KIR2DL1: variants seen among roughly 807,000 people sequenced by gnomAD.
KIR2DL1 encodes the protein killer cell immunoglobulin like receptor, two Ig domains and long cytoplasmic tail 1, also known as killer cell immunoglobulin-like receptor 2DL1.
KIR2DL1 carries 38 observed loss-of-function variants against 33.9 expected under a neutral mutation model. The observed-to-expected ratio is 1.12, with a 90% confidence interval of 0.86 to 1.47. KIR2DL1 has a LOEUF of 1.47. KIR2DL1 is among the 40% of genes most tolerant of loss of function. The pLI, the probability that KIR2DL1 is intolerant of heterozygous loss-of-function variation, is 0.00. For synonymous variants in KIR2DL1, 179 were observed against 165.9 expected (o/e 1.08, Z -0.61); for missense variants, 531 against 433.9 (o/e 1.22, Z -1.99).
chr19:54,769,935 G>C (rs778687237), intron 1 of KIR2DL1, 51 bp downstream of exon 1: 2 of 1,554,838 alleles, frequency 1.3e-6, no homozygotes, highest in South Asian at 2.2e-5. Flanking sequence ...GGAGATCTGG[G>C]CCCAGAGGTG....
At chr19:54,777,796 A>G (rs1316336243) in intron 4 of KIR2DL1, among the ~76,000 whole-genome samples, 1 of 148,668 alleles carries the variant, frequency 6.7e-6, no homozygotes, top group Non-Finnish European at 1.5e-5. Context: ...CGTGTTTCAT[A>G]GGTTCAGGCC....
chr19:54,782,847 A>G, intron 5 of KIR2DL1, 75 bp from the exon 6 acceptor site: 5 of 1,526,680 alleles, frequency 3.3e-6, no homozygotes, highest in Non-Finnish European at 3.6e-6. Flanking sequence ...TTACCTGTCA[A>G]TCAAGAAATG....
Position 54,784,075 on chromosome 19 carries a change from CTCCAA to C in KIR2DL1, c.*263_*267del. On this transcript the variant is annotated 3_prime_UTR_variant, in exon 8 of 8. Coordinates refer to ENST00000336077, the MANE Select transcript of KIR2DL1 (RefSeq NM_014218.3). ...CATTTCACTTGACCCCTGCCCACCT[CTCCAA>C]CCTAACTGGCTTACTTCCTAGTCTA... The C allele has an allele frequency of 1.7e-6, 1 of 601,902 alleles. No homozygotes were observed. Among genetic ancestry groups the C allele is most frequent in the Non-Finnish European group, 2.9e-6 (1 of 343,342 alleles). The allele number at this position is 601,902 out of a possible 1,614,324, so 37.3% of individuals were successfully genotyped here. A position where few individuals can be genotyped will look rare whatever the true frequency, so the allele number is the denominator to read the frequency against.
In KIR2DL1 at chr19:54,773,592, G is replaced by A. The variant is rs746069580; in HGVS notation, c.330G>A (p.Gln110=). The A allele has an allele frequency of 1.9e-6, 3 of 1,579,800 alleles. 1 individual carries two copies. Among genetic ancestry groups the A allele is most frequent in the Admixed American group, 3.4e-5 (2 of 58,716 alleles). ...GTTCTGTTACTCACTCCCCCTATCA[G>A]GTGTCAGCTCCCAGTGACCCTCTGG... The part of the protein sequence containing the change: ...CYGSVTHSPY[Q]VSAPSDPLDI... Residue 110 remains glutamine, a synonymous_variant, in exon 3 of 8, where the codon CAG becomes CAA. Coordinates refer to ENST00000336077, the MANE Select transcript of KIR2DL1 (RefSeq NM_014218.3).
chr19:54,771,872 C>A (rs547914540), intron 2 of KIR2DL1, among the ~76,000 whole-genome samples: 16 of 147,722 alleles, frequency 1.1e-4, no homozygotes, highest in African/African-American at 3.0e-4. Context: ...ACCCAGCAAC[C>A]CCCTGGAGAT....
chr19:54,779,306 G>C (rs1181488760), intron 5 of KIR2DL1, among the ~76,000 whole-genome samples: 2 of 149,006 alleles, frequency 1.3e-5, no homozygotes, highest in East Asian at 1.9e-4. Flanking sequence ...ATCTTACTGG[G>C]CTAAAATCAA....
chr19:54,783,515 G>A lies in KIR2DL1; in HGVS notation c.847G>A (p.Gly283Arg), dbSNP rs1222520301. 8 of 1,613,590 alleles carry A rather than the reference G, an allele frequency of 5.0e-6. No individual in the cohort carries two copies. The highest frequency in any genetic ancestry group is 4.4e-5 in the South Asian group (4 of 91,066). Residue 283 changes from glycine to arginine, a missense_variant, in exon 7 of 8, where the codon GGA becomes AGA. By Grantham distance (125) the Gly-to-Arg change is moderately radical. Transcript: ENST00000336077. ...NAAVMDQESA[G>R]NRTANSEDSD... ...TGCGGTAATGGACCAAGAGTCTGCAGGAAACAGAACAGCGAATAGCGAGGT... is the reference window on the plus strand; with the variant it reads ...TGCGGTAATGGACCAAGAGTCTGCAAGAAACAGAACAGCGAATAGCGAGGT...
chr19:54,778,070 G>A lies in KIR2DL1; in HGVS notation c.665-542G>A, dbSNP rs2076550580. 2.7e-5 allele frequency among the ~76,000 whole-genome samples: 4 copies of A among 147,060 alleles called. 1 individual carries two copies. Among genetic ancestry groups the A allele is most frequent in the African/African-American group, 1.0e-4 (4 of 39,774 alleles). On this transcript the variant is annotated intron_variant, in intron 4 of 7. Coordinates refer to ENST00000336077, the MANE Select transcript of KIR2DL1 (RefSeq NM_014218.3). ...GAGGCCAGGAGTTCAAGATTAGTCT[G>A]GCCAACGTGATGAAACATCGTCTCC...
chr19:54,770,154 G>T (rs1314772681), intron 1 of KIR2DL1, among the ~76,000 whole-genome samples: 8 of 146,002 alleles, frequency 5.5e-5, no homozygotes, highest in Non-Finnish European at 1.1e-4. Flanking sequence ...ATAGGAACCT[G>T]GAGGGGAGAT....
chr19:54,782,664 C>T (rs1488820636), intron 5 of KIR2DL1, among the ~76,000 whole-genome samples: 1 of 151,968 alleles, frequency 6.6e-6, no homozygotes. Flanking sequence ...GCCCAACCTC[C>T]CACAGTGGGG....
intron 4 of KIR2DL1, among the ~76,000 whole-genome samples, chr19:54,775,904 T>C (rs1466844403): frequency 6.8e-6 from 1 of 147,450 alleles, no homozygotes; most frequent in Non-Finnish European, 1.5e-5. Flanking sequence ...TTTAACATTT[T>C]TTTTTGAGGT....
Position 54,775,522 on chromosome 19 carries a change from G to A in KIR2DL1, c.664+64G>A, listed in dbSNP as rs538025934. The A allele has an allele frequency of 6.1e-5, 91 of 1,481,158 alleles. 2 individuals carry two copies. The East Asian group carries it at 2.0e-3, about 33-fold the overall frequency. The allele number at this position is 1,481,158 out of a possible 1,614,324, so 91.8% of individuals were successfully genotyped here. ...TAGAGCCTTAGCTGAGGAGCTTCCTGCTGAGGATGGAGAGAAGCATGGACA... is the reference window on the plus strand; with the variant it reads ...TAGAGCCTTAGCTGAGGAGCTTCCTACTGAGGATGGAGAGAAGCATGGACA... On this transcript the variant is annotated intron_variant, in intron 4 of 7. Coordinates refer to ENST00000336077, the MANE Select transcript of KIR2DL1 (RefSeq NM_014218.3).
chr19:54,778,766 T>G, intron 5 of KIR2DL1, 104 bp downstream of exon 5: 2 of 1,250,842 alleles, frequency 1.6e-6, no homozygotes, highest in Non-Finnish European at 2.3e-6. Flanking sequence ...ATTGTACACT[T>G]GTCTTCCACC....
chr19:54,776,866 T>A (rs2076409832), intron 4 of KIR2DL1, among the ~76,000 whole-genome samples: 3 of 147,830 alleles, frequency 2.0e-5, no homozygotes, highest in African/African-American at 7.5e-5. Flanking sequence ...GCTCTCAAAC[T>A]CATGACCTCA....
At chr19:54,780,605 C>A (rs1459358199) in intron 5 of KIR2DL1, among the ~76,000 whole-genome samples, 20 of 144,178 alleles carry the variant, frequency 1.4e-4, no homozygotes, top group Non-Finnish European at 2.6e-4. Context: ...AGGTGCATAA[C>A]TGGAATCTAG....
Position 54,784,047 on chromosome 19 carries a change from C to T in KIR2DL1, c.*234C>T. 1 of 671,964 alleles carries T rather than the reference C, an allele frequency of 1.5e-6. No individual in the cohort carries two copies. Among genetic ancestry groups the T allele is most frequent in the South Asian group, 1.9e-5 (1 of 53,634 alleles). 41.6% of individuals were successfully genotyped at this position (671,964 alleles called of 1,614,324 possible). A position where few individuals can be genotyped will look rare whatever the true frequency, so the allele number is the denominator to read the frequency against. Reference sequence around the variant, plus strand: ...ACACTCCTTTGCTTAACCCACAGTTCTCCATTTCACTTGACCCCTGCCCAC... The same window carrying T: ...ACACTCCTTTGCTTAACCCACAGTTTTCCATTTCACTTGACCCCTGCCCAC... On this transcript the variant is annotated 3_prime_UTR_variant, in exon 8 of 8. Transcript: ENST00000336077.
At chr19:54,781,470 T>C (rs1398363486) in intron 5 of KIR2DL1, among the ~76,000 whole-genome samples, 1 of 150,368 alleles carries the variant, frequency 6.7e-6, no homozygotes, top group East Asian at 1.9e-4. Context: ...ACCTCACCCC[T>C]ACTTCCAATC....
At chr19:54,782,860 A>C in intron 5 of KIR2DL1, 62 bp from the exon 6 acceptor site, 2 of 1,561,420 alleles carry the variant, frequency 1.3e-6, no homozygotes, top group Non-Finnish European at 1.8e-6. Flanking sequence ...AAGAAATGCG[A>C]GACAATTCAT....
rs1452501454 is a variant in KIR2DL1, at chr19:54,769,893, T to C, written c.34+9T>C. 4.5e-6 allele frequency: 7 copies of C among 1,566,616 alleles called. No homozygotes were observed. The highest frequency in any genetic ancestry group is 5.2e-6 in the Non-Finnish European group (6 of 1,144,892). On this transcript the variant is annotated intron_variant, in intron 1 of 7. Transcript: ENST00000336077. ...CAGCATGGCGTGTGTTGGTGAGTCC[T>C]GGAAAGCAATAGAGGGAGGGAGTGA...
Sources: allele counts gnomAD v4.1 joint callset (sites outside exome capture counted in the v4.1 genomes callset), GRCh38; gene constraint gnomAD v4.1.1; transcripts MANE v1.5; gene names NCBI Gene and HGNC (gene_info 2026-07-23, HGNC 2026-07-21).